FILIP1: variants seen among roughly 807,000 people sequenced by gnomAD.
FILIP1 encodes filamin A interacting protein 1.
Under a neutral mutation model 102.1 loss-of-function variants are expected in FILIP1, and 61 were observed. The ratio of observed to expected loss-of-function variants is 0.60; its 90% CI spans 0.49 to 0.74. FILIP1 has a LOEUF of 0.74. FILIP1 is among the 30% of genes least tolerant of loss of function. FILIP1 has a pLI of 0.00. For missense variants in FILIP1, 1,314 were observed against 1,441.2 expected (o/e 0.91, Z 1.43); for synonymous variants, 491 against 526.9 (o/e 0.93, Z 0.93).
intron 5 of FILIP1, among the ~76,000 whole-genome samples, chr6:75,310,967 T>TTTCTA (rs1206029528): frequency 7.9e-5 from 12 of 152,132 alleles, no homozygotes; most frequent in African/African-American, 2.9e-4. Flanking sequence ...TAAGCCACAG[T>TTTCTA]TTCTATATTT....
At chr6:75,360,720 G>A (rs1775148094) in intron 3 of FILIP1, 1 of 152,190 alleles carries the variant, frequency 6.6e-6, no homozygotes, top group Admixed American at 6.5e-5. Flanking sequence ...TTAACCGCTG[G>A]TGAGTTCTAT....
intron 2 of FILIP1, among the ~76,000 whole-genome samples, chr6:75,413,548 C>T (rs1049708904): frequency 1.3e-5 from 2 of 151,978 alleles, no homozygotes; most frequent in Non-Finnish European, 2.9e-5. Flanking sequence ...TATCTGTATG[C>T]ACACACAGAT....
At chr6:75,487,159 C>T (rs1310072211) in intron 1 of FILIP1, among the ~76,000 whole-genome samples, 3 of 152,176 alleles carry the variant, frequency 2.0e-5, no homozygotes, top group Non-Finnish European at 4.4e-5. Context: ...GCATGTGTCC[C>T]TTACTAAACA....
chr6:75,326,262 A>G (rs954948795), intron 4 of FILIP1, among the ~76,000 whole-genome samples: 5 of 152,118 alleles, frequency 3.3e-5, no homozygotes, highest in African/African-American at 1.2e-4. Context: ...AAAACCAAAT[A>G]TCATATGTTC....
chr6:75,396,169 A>G (rs951768362), intron 2 of FILIP1, among the ~76,000 whole-genome samples: 1 of 151,986 alleles, frequency 6.6e-6, no homozygotes, highest in Non-Finnish European at 1.5e-5. Context: ...ACAGGTCAGT[A>G]TGACAGGATC....
chr6:75,358,361 TA>T (rs1323680887), intron 3 of FILIP1: 1 of 152,138 alleles, frequency 6.6e-6, no homozygotes, highest in Admixed American at 6.5e-5. Context: ...ATAGGGATAT[TA>T]AAATGGAAGG....
intron 4 of FILIP1, among the ~76,000 whole-genome samples, chr6:75,352,884 T>G (rs991589291): frequency 6.6e-6 from 1 of 151,532 alleles, no homozygotes; most frequent in Admixed American, 6.6e-5. Context: ...ATGTAAGTGC[T>G]TCATTGATCA....
intron 2 of FILIP1, chr6:75,386,184 C>T (rs1776090271): frequency 1.3e-5 from 2 of 152,134 alleles, no homozygotes; most frequent in Admixed American, 1.3e-4. Flanking sequence ...TGGTCAGGAA[C>T]CTTCTCTGAG....
intron 1 of FILIP1, among the ~76,000 whole-genome samples, chr6:75,467,634 T>C (rs977400026): frequency 3.3e-5 from 5 of 152,188 alleles, no homozygotes; most frequent in African/African-American, 1.2e-4. Flanking sequence ...CGGAAATAGA[T>C]TGTGGTCTCC....
Position 75,363,905 on chromosome 6 carries a change from T to C in FILIP1, c.277-988A>G, listed in dbSNP as rs190934383. On this transcript the variant is annotated intron_variant, in intron 2 of 5. Coordinates refer to ENST00000237172, the MANE Select transcript of FILIP1 (RefSeq NM_015687.5). ...CAATGGAATAGAATTTTCTCCTATATTGATGCTAACTGTGGGACTGAAATT... is the reference window on the plus strand; with the variant it reads ...CAATGGAATAGAATTTTCTCCTATACTGATGCTAACTGTGGGACTGAAATT... Among the ~76,000 whole-genome samples the C allele has an allele frequency of 1.8e-3, 278 of 152,316 alleles. 2 individuals carry two copies. The highest frequency in any genetic ancestry group is 0.015 in the South Asian group (72 of 4,828).
intron 6 of FILIP1, among the ~76,000 whole-genome samples, chr6:75,302,851 G>GAT (rs1168231429): frequency 6.6e-6 from 1 of 151,990 alleles, no homozygotes; most frequent in African/African-American, 2.4e-5. Context: ...GATATGATAT[G>GAT]ATATGATATG....
intron 4 of FILIP1, among the ~76,000 whole-genome samples, chr6:75,346,201 T>C (rs1774577255): frequency 6.6e-6 from 1 of 152,204 alleles, no homozygotes; most frequent in Non-Finnish European, 1.5e-5. Flanking sequence ...TTAAATTTTT[T>C]AAAAGAAAGG....
chr6:75,308,153 TTTG>T lies in FILIP1; in HGVS notation c.*535_*537del, dbSNP rs1773048246. 7.1e-6 allele frequency: 7 copies of T among 986,542 alleles called. No homozygotes were observed. The highest frequency in any genetic ancestry group is 8.4e-6 in the Non-Finnish European group (7 of 830,444). 61.1% of individuals were successfully genotyped at this position (986,542 alleles called of 1,614,324 possible). A position where few individuals can be genotyped will look rare whatever the true frequency, so the allele number is the denominator to read the frequency against. On this transcript the variant is annotated 3_prime_UTR_variant, in exon 6 of 6. Transcript: ENST00000237172. ...ATTTCCTGAAATCATCTTAGAACCT[TTTG>T]TTTTTGCAAAATTTTAGAGGTCCAG... is the stretch of plus-strand genomic sequence containing the variant.
chr6:75,318,313 G>A lies in FILIP1; in HGVS notation c.630-3111C>T, dbSNP rs958649136. 1.7e-4 allele frequency among the ~76,000 whole-genome samples: 24 copies of A among 138,174 alleles called. 1 individual carries two copies. The highest frequency in any genetic ancestry group is 2.7e-4 in the African/African-American group (10 of 37,160). 90.6% of individuals were successfully genotyped at this position (138,174 alleles called of 152,430 possible). A position where few individuals can be genotyped will look rare whatever the true frequency, so the allele number is the denominator to read the frequency against. On this transcript the variant is annotated intron_variant, in intron 4 of 5. Coordinates refer to ENST00000237172, the MANE Select transcript of FILIP1 (RefSeq NM_015687.5). The stretch of plus-strand genomic sequence containing the variant: ...TGCTGTGGCATGATTATAGTTCACC[G>A]CAGCCTCAACGTTTTGTGCTCAAAC...
At chr6:75,355,694 C>T (rs1000899589) in intron 3 of FILIP1, among the ~76,000 whole-genome samples, 5 of 152,192 alleles carry the variant, frequency 3.3e-5, no homozygotes, top group African/African-American at 1.2e-4. Context: ...TGAGCCACCG[C>T]ACCTGTCCTG....
chr6:75,317,952 C>T (rs1368482093), intron 4 of FILIP1, among the ~76,000 whole-genome samples: 3 of 152,194 alleles, frequency 2.0e-5, no homozygotes, highest in African/African-American at 7.2e-5. Flanking sequence ...ACAGGCAAGA[C>T]ATTGGGGATG....
rs1294536691 is a variant in FILIP1, at chr6:75,394,477, CAA to C, written c.276+20218_276+20219del. ...ATAAATTCTGCATAACAAAAAGTGC[CAA>C]AAGTGAAGTCAAAATAAAAATAATG... On this transcript the variant is annotated intron_variant, in intron 2 of 5. Coordinates refer to ENST00000237172, the MANE Select transcript of FILIP1 (RefSeq NM_015687.5). 2.0e-5 allele frequency among the ~76,000 whole-genome samples: 3 copies of C among 151,758 alleles called. No homozygotes were observed. In the East Asian group the frequency reaches 5.8e-4, roughly 29 times the overall value.
chr6:75,361,664 C>A (rs1005101846), intron 3 of FILIP1, among the ~76,000 whole-genome samples: 2 of 152,148 alleles, frequency 1.3e-5, no homozygotes, highest in Non-Finnish European at 2.9e-5. Context: ...CTTTATTAAA[C>A]CCTCACAGCA....
chr6:75,429,232 C>T (rs961360092), intron 1 of FILIP1, among the ~76,000 whole-genome samples: 2 of 152,150 alleles, frequency 1.3e-5, no homozygotes, highest in Non-Finnish European at 2.9e-5. Context: ...TATTATCCAT[C>T]TATCCTCCGA....
Sources: allele counts gnomAD v4.1 joint callset (sites outside exome capture counted in the v4.1 genomes callset), GRCh38; gene constraint gnomAD v4.1.1; transcripts MANE v1.5; gene names NCBI Gene and HGNC (gene_info 2026-07-23, HGNC 2026-07-21).